Variants in AKAP3 observed in about 807,000 individuals in gnomAD.
AKAP3 encodes the protein A-kinase anchor protein 3.
A neutral mutation model predicts 57.2 loss-of-function variants in AKAP3; 27 were observed. The observed-to-expected ratio is 0.47, with a 90% CI of 0.35 to 0.65. AKAP3 has a LOEUF of 0.65. Among genes scored for constraint, AKAP3 ranks in the 30% least tolerant of loss-of-function variants. The pLI is 0.01. For synonymous variants in AKAP3, 334 were observed against 392.3 expected (o/e 0.85, Z 1.76); for missense variants, 959 against 1,040.0 (o/e 0.92, Z 1.07).
At chr12:4,631,133 T>TAAGTA (rs1171320700) in intron 4 of AKAP3, among the ~76,000 whole-genome samples, 2 of 152,214 alleles carry the variant, frequency 1.3e-5, no homozygotes, top group African/African-American at 2.4e-5. Context: ...TCCTCTCTAC[T>TAAGTA]AATTTTGTTT....
At chr12:4,639,434 T>C (rs1945607782) in intron 3 of AKAP3, among the ~76,000 whole-genome samples, 1 of 152,186 alleles carries the variant, frequency 6.6e-6, no homozygotes, top group Admixed American at 6.5e-5. Flanking sequence ...TTTTTCTTTT[T>C]TAAAATTATA....
intron 5 of AKAP3, among the ~76,000 whole-genome samples, chr12:4,624,809 G>GGTGTGAGTGTGTGTGTGTGTGTGTGT (rs1945389732): frequency 2.3e-5 from 2 of 87,828 alleles, no homozygotes; most frequent in South Asian, 3.4e-4. Flanking sequence ...AGTAGACAAA[G>GGTGTGAGTGTGTGTGTGTGTGTGTGT]GTGTGTGTGT....
rs1165791557 is a variant in AKAP3, at chr12:4,628,242, G to T, written c.660C>A (p.Ile220=). 3.1e-6 allele frequency: 5 copies of T among 1,613,980 alleles called. No individual in the cohort carries two copies. The Admixed American group carries it at 8.3e-5, about 27-fold the overall frequency. ...CCTGTCTTTCTTTGGTGCTCTCCTT[G>T]ATCTTCAAAGTGGACTTGTATTTCA... The part of the protein sequence containing the change: ...PNLKYKSTLK[I]KESTKERQGP... Residue 220 remains isoleucine (I), a synonymous_variant, in exon 5 of 6, where the codon ATC becomes ATA. Transcript: ENST00000228850.
At chr12:4,623,816 G>T (rs1165643065) in intron 5 of AKAP3, among the ~76,000 whole-genome samples, 2 of 152,034 alleles carry the variant, frequency 1.3e-5, no homozygotes, top group Non-Finnish European at 2.9e-5. Flanking sequence ...AAATTCAAAT[G>T]GTCTTATATG....
At chr12:4,639,084 T>C (rs7300882) in intron 3 of AKAP3, among the ~76,000 whole-genome samples, 37,659 of 152,162 alleles carry the variant, frequency 0.25, 5,548 homozygotes, top group South Asian at 0.43. Flanking sequence ...TCCTTGCAAA[T>C]GAGTATTATA....
In AKAP3 at chr12:4,625,174, A is replaced by G. The variant is rs1945397261; in HGVS notation, c.2406+1322T>C. 6.6e-6 allele frequency among the ~76,000 whole-genome samples: 1 copy of G among 152,178 alleles called. No homozygotes were observed. The highest frequency in any genetic ancestry group is 2.4e-5 in the African/African-American group (1 of 41,454). ...CAGAGCTTGCCAACGACCCTTAGGA[A>G]TAGATCTAATATTGGAAGTTCACAC... is the stretch of plus-strand genomic sequence containing the variant. On this transcript the variant is annotated intron_variant, in intron 5 of 5. Coordinates refer to ENST00000228850, the MANE Select transcript of AKAP3 (RefSeq NM_001278309.2). The surrounding 1 kb of genome is among the most constrained non-coding windows in gnomAD (Gnocchi z 5.4).
intron 5 of AKAP3, among the ~76,000 whole-genome samples, chr12:4,621,496 G>A (rs1481855787): frequency 6.6e-6 from 1 of 151,964 alleles, no homozygotes; most frequent in South Asian, 2.1e-4. Flanking sequence ...TATTTTTACT[G>A]TACCTTTTCT....
chr12:4,637,997 C>T (rs1945587258), intron 4 of AKAP3, 104 bp downstream of exon 4: 9 of 1,008,276 alleles, frequency 8.9e-6, no homozygotes, highest in Non-Finnish European at 1.4e-5. Context: ...AAGAATCCCA[C>T]CTTGAAAAAT....
chr12:4,628,464 C>A lies in AKAP3; in HGVS notation c.438G>T (p.Lys146Asn). 4 of 1,614,152 alleles carry A rather than the reference C, an allele frequency of 2.5e-6. No homozygotes were observed. Among genetic ancestry groups the A allele is most frequent in the Non-Finnish European group, 3.4e-6 (4 of 1,180,030 alleles). ...IAMARKEINE[K>N]IDGSENKCVY... ...CACATTTGTTTTCAGAGCCATCGAT[C>A]TTCTCATTGATCTCTTTGCGGGCCA... is the stretch of plus-strand genomic sequence containing the variant. Residue 146 changes from lysine to asparagine, a missense_variant, in exon 5 of 6, where the codon AAG (lysine) becomes AAT (asparagine). By Grantham distance (94) the Lys-to-Asn change is moderately conservative. Coordinates refer to ENST00000228850, the MANE Select transcript of AKAP3 (RefSeq NM_001278309.2).
intron 5 of AKAP3, among the ~76,000 whole-genome samples, chr12:4,617,462 T>C (rs183876237): frequency 9.8e-5 from 15 of 152,344 alleles, no homozygotes; most frequent in Admixed American, 3.9e-4. Flanking sequence ...CTTTAAAATA[T>C]ATTTTAAGGG....
chr12:4,647,398 C>T (rs1312627667), intron 1 of AKAP3, among the ~76,000 whole-genome samples: 2 of 151,508 alleles, frequency 1.3e-5, no homozygotes, highest in African/African-American at 4.9e-5. Context: ...TTCAGTTGGG[C>T]ACAGTGACTC....
At position 4,615,836 on chromosome 12, in the gene AKAP3, T is replaced by G; in HGVS notation, c.2465A>C (p.Gln822Pro). The change falls in exon 6 of 6, where the codon CAG becomes CCG. Residue 822 changes from glutamine to proline, a missense_variant. Coordinates refer to ENST00000228850, the MANE Select transcript of AKAP3 (RefSeq NM_001278309.2). Reference protein sequence around the residue: ...DKGCSVGEVLQSVLRYEKERQ... With the variant: ...DKGCSVGEVLPSVLRYEKERQ... Reference sequence around the variant, plus strand: ...CTCCTTCTCATAGCGCAGCACCGACTGCAGAACCTCGCCCACACTGCATCC... The same window carrying G: ...CTCCTTCTCATAGCGCAGCACCGACGGCAGAACCTCGCCCACACTGCATCC... 1 of 1,614,220 alleles carries G rather than the reference T, an allele frequency of 6.2e-7. No individual in the cohort carries two copies. The highest frequency in any genetic ancestry group is 8.5e-7 in the Non-Finnish European group (1 of 1,180,026).
At chr12:4,647,053 G>C (rs1445237305) in intron 1 of AKAP3, among the ~76,000 whole-genome samples, 2 of 152,116 alleles carry the variant, frequency 1.3e-5, no homozygotes, top group South Asian at 4.1e-4. Context: ...AAAGTGCTGG[G>C]ATTACAGGCA....
chr12:4,622,366 A>C (rs1180080375), intron 5 of AKAP3, among the ~76,000 whole-genome samples: 2 of 152,186 alleles, frequency 1.3e-5, no homozygotes, highest in Non-Finnish European at 2.9e-5. Context: ...GCATCACATT[A>C]CTCAACTTCA....
chr12:4,619,208 T>C (rs1254870539), intron 5 of AKAP3, among the ~76,000 whole-genome samples: 1 of 152,144 alleles, frequency 6.6e-6, no homozygotes, highest in Non-Finnish European at 1.5e-5. Context: ...AAATTACTGG[T>C]GAAAATGTAA....
intron 4 of AKAP3, among the ~76,000 whole-genome samples, chr12:4,634,172 G>T (rs1945536198): frequency 6.6e-6 from 1 of 151,964 alleles, no homozygotes; most frequent in Admixed American, 6.5e-5. Context: ...CTAAAATAGT[G>T]CAATATACCG....
Position 4,648,836 on chromosome 12 carries a change from A to G in AKAP3, c.-336T>C, listed in dbSNP as rs898809574. Reference sequence around the variant, plus strand: ...TCTACCTCGGGTCTTGCCATTTTGCATGTCCTGAGTCAGTCACTGGTTAAC... The same window carrying G: ...TCTACCTCGGGTCTTGCCATTTTGCGTGTCCTGAGTCAGTCACTGGTTAAC... On this transcript the variant is annotated 5_prime_UTR_variant, in exon 1 of 6. The change abolishes an upstream ATG in the 5' untranslated region. Transcript: ENST00000228850. 6.1e-5 allele frequency: 24 copies of G among 393,650 alleles called. No homozygotes were observed. The highest frequency in any genetic ancestry group is 9.1e-5 in the Non-Finnish European group (20 of 220,054). 24.4% of individuals were successfully genotyped at this position (393,650 alleles called of 1,614,324 possible). A position where few individuals can be genotyped will look rare whatever the true frequency, so the allele number is the denominator to read the frequency against.
At chr12:4,630,463 GAAAGA>G (rs765540169) in intron 4 of AKAP3, among the ~76,000 whole-genome samples, 10 of 140,180 alleles carry the variant, frequency 7.1e-5, no homozygotes, top group East Asian at 2.4e-4. Flanking sequence ...TGATTACTTG[GAAAGA>G]AAAGAAAAGA....
chr12:4,636,429 C>T (rs1945566662), intron 4 of AKAP3, among the ~76,000 whole-genome samples: 1 of 152,162 alleles, frequency 6.6e-6, no homozygotes. Context: ...TGATAAGGTT[C>T]AGAGGGGCAG....
Sources: allele counts gnomAD v4.1 joint callset (sites outside exome capture counted in the v4.1 genomes callset), GRCh38; gene constraint gnomAD v4.1.1; non-coding constraint Gnocchi (gnomAD v3.1); transcripts MANE v1.5; gene names NCBI Gene and HGNC (gene_info 2026-07-23, HGNC 2026-07-21).